The following RAB38 variants were observed in gnomAD, a reference collection of about 807,000 sequenced individuals.
The protein encoded by RAB38 is ras-related protein Rab-38.
Under a neutral mutation model 18.4 loss-of-function variants are expected in RAB38, and 15 were observed. That is an observed-to-expected ratio of 0.82 (90% CI 0.55 to 1.26). The LOEUF (loss-of-function observed/expected upper bound fraction) is 1.26, where lower values mean the gene tolerates loss of function less well. Ranked by LOEUF, RAB38 falls within the 50% of genes most tolerant of loss-of-function variation. The probability of loss-of-function intolerance (pLI) is 0.00; values close to 1 mark genes in which losing one functional copy is unlikely to be tolerated. For synonymous variants in RAB38, 101 were observed against 104.4 expected (o/e 0.97, Z 0.20); for missense variants, 294 against 267.4 (o/e 1.10, Z -0.69).
chr11:87,867,796 A>G, the RAB38 span, among the ~76,000 whole-genome samples: 3 of 151,712 alleles, frequency 2.0e-5, no homozygotes, highest in Non-Finnish European at 1.5e-5. Flanking sequence ...TTAACAGGTA[A>G]GTGAAATTTT....
chr11:87,929,125 A>G, the RAB38 span, among the ~76,000 whole-genome samples: 1 of 152,036 alleles, frequency 6.6e-6, no homozygotes, highest in African/African-American at 2.4e-5. Context: ...AAAAAAAACA[A>G]GAAAAAAAGT....
the RAB38 span, among the ~76,000 whole-genome samples, chr11:87,965,113 AC>A: frequency 1.3e-5 from 2 of 152,116 alleles, no homozygotes; most frequent in Admixed American, 1.3e-4. Flanking sequence ...TCAGGTTGTA[AC>A]CAAAAATGTC....
At chr11:87,934,077 C>T in the RAB38 span, among the ~76,000 whole-genome samples, 1 of 152,072 alleles carries the variant, frequency 6.6e-6, no homozygotes, top group Non-Finnish European at 1.5e-5. Flanking sequence ...CCAGCATCTC[C>T]CTGAATTAAT....
chr11:87,812,197 A>G, the RAB38 span, among the ~76,000 whole-genome samples: 18 of 152,334 alleles, frequency 1.2e-4, no homozygotes, highest in African/African-American at 3.8e-4. Flanking sequence ...TTGTAAAATG[A>G]ATAGATATGA....
the RAB38 span, among the ~76,000 whole-genome samples, chr11:87,892,704 T>C: frequency 1.3e-5 from 2 of 151,796 alleles, no homozygotes; most frequent in Non-Finnish European, 2.9e-5. Flanking sequence ...GCATGATATA[T>C]CCCCATTTCT....
chr11:87,977,924 GTGACACCT>G, the RAB38 span, among the ~76,000 whole-genome samples: 101 of 109,094 alleles, frequency 9.3e-4, 2 homozygotes, highest in African/African-American at 2.7e-3. Flanking sequence ...TAAATATGTA[GTGACACCT>G]TTATATAATA....
the RAB38 span, among the ~76,000 whole-genome samples, chr11:87,818,567 A>G: frequency 1.3e-5 from 2 of 152,204 alleles, no homozygotes; most frequent in African/African-American, 4.8e-5. Flanking sequence ...CACATGATCT[A>G]TGCATACACC....
intron 2 of RAB38, among the ~76,000 whole-genome samples, chr11:88,114,943 G>T (rs754646170): frequency 6.6e-6 from 1 of 152,188 alleles, no homozygotes; most frequent in Non-Finnish European, 1.5e-5. Context: ...AGACATTCCA[G>T]ATGGATATAA....
At chr11:87,807,334 T>C in the RAB38 span, among the ~76,000 whole-genome samples, 2 of 152,220 alleles carry the variant, frequency 1.3e-5, no homozygotes, top group Non-Finnish European at 2.9e-5. Flanking sequence ...GATGACCTAA[T>C]ACAAGGAGTA....
chr11:87,838,980 T>C, the RAB38 span, among the ~76,000 whole-genome samples: 1 of 152,184 alleles, frequency 6.6e-6, no homozygotes, highest in African/African-American at 2.4e-5. Flanking sequence ...GAGAATCTAA[T>C]CCAGGCTGTA....
the RAB38 span, among the ~76,000 whole-genome samples, chr11:87,807,814 A>G: frequency 6.6e-6 from 1 of 152,206 alleles, no homozygotes; most frequent in Non-Finnish European, 1.5e-5. Flanking sequence ...AGTAGTTCTG[A>G]TAGTATAGAA....
chr11:87,834,896 T>G, the RAB38 span, among the ~76,000 whole-genome samples: 1 of 152,200 alleles, frequency 6.6e-6, no homozygotes, highest in East Asian at 1.9e-4. Flanking sequence ...TTTTGTATTA[T>G]GATTTCAAAT....
the RAB38 span, among the ~76,000 whole-genome samples, chr11:87,914,052 C>T: frequency 6.6e-6 from 1 of 151,778 alleles, no homozygotes; most frequent in South Asian, 2.1e-4. Context: ...TGTAAAAATA[C>T]CTTAAAGTGT....
chr11:87,843,232 G>C, the RAB38 span, among the ~76,000 whole-genome samples: 1 of 152,214 alleles, frequency 6.6e-6, no homozygotes, highest in Non-Finnish European at 1.5e-5. Context: ...TCTTTCAGTA[G>C]AAGCCTAGTC....
the RAB38 span, among the ~76,000 whole-genome samples, chr11:87,908,138 C>A: frequency 6.6e-6 from 1 of 151,786 alleles, no homozygotes; most frequent in African/African-American, 2.4e-5. Context: ...TATAGCAGTT[C>A]GGAGGGATGC....
At chr11:87,865,850 A>G in the RAB38 span, among the ~76,000 whole-genome samples, 3 of 151,788 alleles carry the variant, frequency 2.0e-5, no homozygotes, top group South Asian at 6.2e-4. Flanking sequence ...AGAATATTGC[A>G]TGTGTCAGGT....
the RAB38 span, among the ~76,000 whole-genome samples, chr11:87,977,431 A>C: frequency 1.0e-5 from 1 of 98,936 alleles, no homozygotes; most frequent in African/African-American, 4.2e-5. Flanking sequence ...ATATTATAAA[A>C]CAATTATATA....
the RAB38 span, among the ~76,000 whole-genome samples, chr11:87,930,198 C>T: frequency 7.9e-5 from 12 of 152,250 alleles, no homozygotes; most frequent in African/African-American, 2.9e-4. Flanking sequence ...AAAAGTGTTC[C>T]TATTTCTCCA....
At chr11:88,158,853 G>A (rs1478208982) in intron 1 of RAB38, among the ~76,000 whole-genome samples, 1 of 151,978 alleles carries the variant, frequency 6.6e-6, no homozygotes, top group Non-Finnish European at 1.5e-5. Context: ...CTTGAGAACT[G>A]GAACAAGACA....
Sources: gnomAD v4.1 joint callset for allele counts (sites outside exome capture counted in the v4.1 genomes callset) on GRCh38, gnomAD v4.1.1 for gene constraint, MANE v1.5 for transcripts, NCBI Gene and HGNC (gene_info 2026-07-23, HGNC 2026-07-21) for gene names.